Variants in CASK observed in about 807,000 individuals in gnomAD.
CASK encodes peripheral plasma membrane protein CASK.
Under a neutral mutation model 82.9 loss-of-function variants are expected in CASK, and 4 were observed. The observed-to-expected ratio is 0.05, with a 90% CI of 0.02 to 0.11. The LOEUF is 0.11. Ranked by LOEUF, CASK falls within the 10% of genes least tolerant of loss-of-function variation. CASK has a pLI of 1.00. For synonymous variants in CASK, 259 were observed against 253.5 expected, an observed-to-expected ratio of 1.02 and a Z score of -0.20; for missense variants, 358 against 720.9, an observed-to-expected ratio of 0.50 and a Z score of 5.76.
At chrX:41,755,789 TAA>T in intron 3 of CASK, among the ~76,000 whole-genome samples, 1 of 112,310 alleles carries the variant, frequency 8.9e-6, no homozygotes, top group Middle Eastern at 4.6e-3. Flanking sequence ...TATGAAATTT[TAA>T]AAGAGTGTTT....
intron 8 of CASK, among the ~76,000 whole-genome samples, chrX:41,649,290 C>A (rs1291071304): frequency 9.0e-6 from 1 of 111,319 alleles, no homozygotes; most frequent in Non-Finnish European, 1.9e-5. Context: ...TTGCCTTCTG[C>A]TAGCTTTTGA....
At chrX:41,789,290 T>C (rs1173803641) in intron 2 of CASK, among the ~76,000 whole-genome samples, 2 of 111,601 alleles carry the variant, frequency 1.8e-5, no homozygotes, top group Non-Finnish European at 3.8e-5. Context: ...ATGACTTTCT[T>C]AGAGTCAATG....
At chrX:41,616,516 T>A (rs2066201355) in intron 11 of CASK, among the ~76,000 whole-genome samples, 1 of 112,072 alleles carries the variant, frequency 8.9e-6, no homozygotes, top group South Asian at 3.7e-4. Context: ...ACAGGAAACC[T>A]TCAACAAGAA....
At chrX:41,613,073 C>T (rs1205150394) in intron 11 of CASK, among the ~76,000 whole-genome samples, 6 of 110,154 alleles carry the variant, frequency 5.4e-5, no homozygotes, top group Non-Finnish European at 9.6e-5. Context: ...TCTGCCCGGC[C>T]GCCCCTACTG....
chrX:41,850,187 T>C (rs1281218361), intron 2 of CASK, among the ~76,000 whole-genome samples: 1 of 111,872 alleles, frequency 8.9e-6, no homozygotes, highest in African/African-American at 3.3e-5. Context: ...TCAAAAAAAA[T>C]TAATTTGTAA....
At chrX:41,586,562 A>G (rs1209147967) in intron 14 of CASK, 1 of 146,220 alleles carries the variant, frequency 6.8e-6, no homozygotes, top group Non-Finnish European at 1.3e-5. Flanking sequence ...CTAGATTCAG[A>G]CGATTCCTTA....
intron 5 of CASK, among the ~76,000 whole-genome samples, chrX:41,711,602 A>G (rs193191075): frequency 9.0e-6 from 1 of 111,318 alleles, no homozygotes; most frequent in Admixed American, 9.5e-5. Flanking sequence ...GACTGGATTG[A>G]GAACCTGTCT....
At chrX:41,550,192 G>A (rs1055305941) in intron 21 of CASK, among the ~76,000 whole-genome samples, 8 of 111,412 alleles carry the variant, frequency 7.2e-5, no homozygotes, top group Non-Finnish European at 1.9e-5. Flanking sequence ...ATTACCTCCA[G>A]AATTTCCTCA....
intron 26 of CASK, among the ~76,000 whole-genome samples, chrX:41,523,413 TCTTCAGG>T (rs2064666092): frequency 8.9e-6 from 1 of 112,497 alleles, no homozygotes; most frequent in Non-Finnish European, 1.9e-5. Context: ...AAAGCAATGG[TCTTCAGG>T]ATAACTTGGT....
intron 5 of CASK, among the ~76,000 whole-genome samples, chrX:41,720,708 G>A (rs2068149145): frequency 9.0e-6 from 1 of 111,135 alleles, no homozygotes; most frequent in African/African-American, 3.3e-5. Flanking sequence ...TCTGGGTTCT[G>A]GCTCTGAGGG....
chrX:41,812,321 C>T (rs1359691631), intron 2 of CASK, among the ~76,000 whole-genome samples: 2 of 111,785 alleles, frequency 1.8e-5, no homozygotes, highest in African/African-American at 6.5e-5. Context: ...CCCTGATGAA[C>T]ATCGATGCAA....
chrX:41,560,187 T>C (rs945531655), intron 17 of CASK, among the ~76,000 whole-genome samples: 2 of 112,394 alleles, frequency 1.8e-5, no homozygotes, highest in Non-Finnish European at 3.8e-5. Context: ...ACTAGGTAAT[T>C]ACATAAAAAT....
At position 41,516,410 on chromosome X, in the gene CASK, G is replaced by C. The variant is rs2064549521; in HGVS notation, c.*4010C>G. 2 of 112,663 alleles carry C rather than the reference G, an allele frequency of 1.8e-5. No homozygotes were observed. Among genetic ancestry groups the C allele is most frequent in the Non-Finnish European group, 1.9e-5 (1 of 53,383 alleles). 9.3% of individuals were successfully genotyped at this position (112,663 alleles called of 1,213,427 possible). A position where few individuals can be genotyped will look rare whatever the true frequency, so the allele number is the denominator to read the frequency against. On this transcript the variant is annotated 3_prime_UTR_variant, in exon 27 of 27. Transcript: ENST00000378163. Reference sequence around the variant, plus strand: ...AGAGAGGGAAATCTTATTTCTAAAGGAGTTAGAAAAGGAAAGGCTCTGGCA... The same window carrying C: ...AGAGAGGGAAATCTTATTTCTAAAGCAGTTAGAAAAGGAAAGGCTCTGGCA...
rs1300367218 is a variant in CASK, at chrX:41,517,106, T to G, written c.*3314A>C. On this transcript the variant is annotated 3_prime_UTR_variant, in exon 27 of 27. Transcript: ENST00000378163. ...GGTAACAGTAGCTGCAGCCCAGGCC[T>G]GCCTGGAGCACAGGGGAAGGCTTGG... The G allele has an allele frequency of 1.8e-5, 2 of 113,245 alleles. No homozygotes were observed. Among genetic ancestry groups the G allele is most frequent in the Non-Finnish European group, 3.7e-5 (2 of 53,651 alleles). The allele number at this position is 113,245 out of a possible 1,213,427, so 9.3% of individuals were successfully genotyped here.
chrX:41,639,454 A>AT (rs397895457), intron 8 of CASK, among the ~76,000 whole-genome samples: 5 of 108,054 alleles, frequency 4.6e-5, no homozygotes, highest in Non-Finnish European at 3.8e-5. Context: ...AAAAAAAAAA[A>AT]GCGGGAAGAC....
intron 5 of CASK, among the ~76,000 whole-genome samples, chrX:41,701,058 A>C (rs2067784867): frequency 9.1e-6 from 1 of 110,057 alleles, no homozygotes; most frequent in Admixed American, 9.7e-5. Flanking sequence ...CTCAGAGAAA[A>C]TCACTGCATA....
chrX:41,891,854 T>A (rs911494769), intron 1 of CASK, among the ~76,000 whole-genome samples: 11 of 112,271 alleles, frequency 9.8e-5, no homozygotes, highest in Admixed American at 3.8e-4. Context: ...GAATTTTTTT[T>A]AAAAAGTATG....
intron 15 of CASK, among the ~76,000 whole-genome samples, chrX:41,576,748 G>A (rs978137234): frequency 2.7e-5 from 3 of 111,810 alleles, no homozygotes; most frequent in African/African-American, 9.8e-5. Flanking sequence ...TTTTAGAGAT[G>A]AGCCAACTGA....
chrX:41,601,817 T>C (rs916109736), intron 12 of CASK, among the ~76,000 whole-genome samples: 2 of 111,707 alleles, frequency 1.8e-5, no homozygotes, highest in Admixed American at 1.9e-4. Context: ...CAATTTTCTT[T>C]TGTGTATGGT....
Sources: allele counts gnomAD v4.1 joint callset (sites outside exome capture counted in the v4.1 genomes callset), GRCh38; gene constraint gnomAD v4.1.1; transcripts MANE v1.5; gene names NCBI Gene and HGNC (gene_info 2026-07-23, HGNC 2026-07-21).